TCF7L2: variants seen among roughly 807,000 people sequenced by gnomAD.
TCF7L2 encodes transcription factor 7 like 2, also known as transcription factor 7-like 2.
TCF7L2 carries 23 observed loss-of-function variants against 77.9 expected under a neutral mutation model. That is an observed-to-expected ratio of 0.30 (90% CI 0.21 to 0.42). TCF7L2 has a LOEUF of 0.42. Ranked by LOEUF, TCF7L2 falls within the 10% of genes least tolerant of loss-of-function variation. TCF7L2 has a pLI of 1.00. For synonymous variants in TCF7L2, 413 were observed against 340.2 expected, an observed-to-expected ratio of 1.21 and a Z score of -2.36; for missense variants, 654 against 793.1, an observed-to-expected ratio of 0.82 and a Z score of 2.11.
intron 5 of TCF7L2, among the ~76,000 whole-genome samples, chr10:113,097,667 AAAAAAAAC>A (rs1246335682): frequency 0.045 from 6,385 of 142,120 alleles, 367 homozygotes; most frequent in Non-Finnish European, 0.07. Context: ...AAAAAAAAAA[AAAAAAAAC>A]AACCATGAGA....
At chr10:112,991,656 A>G (rs1356195801) in intron 4 of TCF7L2, among the ~76,000 whole-genome samples, 1 of 152,138 alleles carries the variant, frequency 6.6e-6, no homozygotes, top group South Asian at 2.1e-4. Context: ...GGTCCCCACC[A>G]TCTAGTCAGG....
At chr10:113,136,690 G>A (rs528644523) in intron 5 of TCF7L2, among the ~76,000 whole-genome samples, 2 of 152,204 alleles carry the variant, frequency 1.3e-5, no homozygotes, top group Non-Finnish European at 2.9e-5. Flanking sequence ...GAGATAAAAG[G>A]GGGAGGGAAT....
At chr10:113,144,686 G>A (rs1220821340) in intron 7 of TCF7L2, among the ~76,000 whole-genome samples, 1 of 152,154 alleles carries the variant, frequency 6.6e-6, no homozygotes, top group African/African-American at 2.4e-5. Flanking sequence ...TGAACGGTGG[G>A]AATGGGGCAT....
At chr10:113,047,985 GGTTT>G (rs2053755040) in intron 5 of TCF7L2, among the ~76,000 whole-genome samples, 1 of 152,164 alleles carries the variant, frequency 6.6e-6, no homozygotes, top group Non-Finnish European at 1.5e-5. Context: ...TCCTAAAATA[GGTTT>G]AGGGAAGCAC....
intron 5 of TCF7L2, among the ~76,000 whole-genome samples, chr10:113,040,578 A>G (rs894913717): frequency 7.9e-5 from 12 of 152,366 alleles, no homozygotes; most frequent in African/African-American, 2.4e-4. Flanking sequence ...GCAACATTCT[A>G]CACTAACATT....
chr10:112,971,072 G>T (rs2038137303), intron 4 of TCF7L2, among the ~76,000 whole-genome samples: 1 of 152,192 alleles, frequency 6.6e-6, no homozygotes, highest in South Asian at 2.1e-4. Flanking sequence ...TACCTCAGAA[G>T]AATGTTCATT....
At chr10:113,072,123 C>A (rs2058097908) in intron 5 of TCF7L2, among the ~76,000 whole-genome samples, 2 of 152,164 alleles carry the variant, frequency 1.3e-5, no homozygotes, top group African/African-American at 2.4e-5. Flanking sequence ...GTGGCACGAT[C>A]TCGGCTCACT....
At chr10:113,103,659 G>A (rs866747680) in intron 5 of TCF7L2, among the ~76,000 whole-genome samples, 30 of 152,270 alleles carry the variant, frequency 2.0e-4, no homozygotes, top group African/African-American at 6.0e-4. Flanking sequence ...GTTACAATGC[G>A]TGAGATGGCT....
At chr10:113,126,153 A>G (rs1294609374) in intron 5 of TCF7L2, 2 of 151,470 alleles carry the variant, frequency 1.3e-5, no homozygotes, top group African/African-American at 4.9e-5. Flanking sequence ...TATACAGTAA[A>G]TTGTTCTGAA....
chr10:113,149,345 T>C (rs2070234861), intron 8 of TCF7L2, among the ~76,000 whole-genome samples: 1 of 152,202 alleles, frequency 6.6e-6, no homozygotes, highest in Non-Finnish European at 1.5e-5. Context: ...TCGAAGGACT[T>C]GTATTGTTGT....
chr10:113,067,766 A>C (rs1314820274), intron 5 of TCF7L2, among the ~76,000 whole-genome samples: 1 of 145,164 alleles, frequency 6.9e-6, no homozygotes, highest in African/African-American at 2.5e-5. Context: ...ATGGTTGAAC[A>C]TTTTTTTTTT....
intron 4 of TCF7L2, among the ~76,000 whole-genome samples, chr10:113,026,509 G>A (rs1163404677): frequency 1.3e-5 from 2 of 152,144 alleles, no homozygotes; most frequent in African/African-American, 4.8e-5. Flanking sequence ...CTGTCAGCCA[G>A]CTCCACAATG....
intron 5 of TCF7L2, among the ~76,000 whole-genome samples, chr10:113,103,450 T>C (rs545790714): frequency 2.6e-5 from 4 of 152,232 alleles, no homozygotes; most frequent in African/African-American, 4.8e-5. Context: ...CAGTAAAAAA[T>C]TGCTTGGATC....
At chr10:112,982,959 A>G (rs2040754238) in intron 4 of TCF7L2, among the ~76,000 whole-genome samples, 1 of 152,068 alleles carries the variant, frequency 6.6e-6, no homozygotes, top group South Asian at 2.1e-4. Flanking sequence ...AGGGTGAAAG[A>G]GTCCATGTTG....
chr10:113,136,988 G>A (rs2067512372), intron 5 of TCF7L2, among the ~76,000 whole-genome samples: 1 of 150,584 alleles, frequency 6.6e-6, no homozygotes, highest in South Asian at 2.1e-4. Flanking sequence ...CCCTTGCCCT[G>A]ATCTGGAAGG....
chr10:113,062,123 C>T (rs190774884), intron 5 of TCF7L2, among the ~76,000 whole-genome samples: 195 of 152,256 alleles, frequency 1.3e-3, no homozygotes, highest in African/African-American at 4.5e-3. Flanking sequence ...CAGCAGACAT[C>T]GTGTGACTGT....
intron 5 of TCF7L2, among the ~76,000 whole-genome samples, chr10:113,098,455 C>T (rs143845679): frequency 1.3e-5 from 2 of 151,872 alleles, no homozygotes; most frequent in African/African-American, 4.8e-5. Context: ...GCCTGTAATC[C>T]CAGCACTTTG....
chr10:113,089,405 C>A, intron 5 of TCF7L2: 2 of 1,613,354 alleles, frequency 1.2e-6, no homozygotes, highest in Non-Finnish European at 1.7e-6. Flanking sequence ...AGCAGAGCCC[C>A]CTCCCTTGCT....
At chr10:113,046,278 A>G (rs1277051040) in intron 5 of TCF7L2, among the ~76,000 whole-genome samples, 1 of 152,126 alleles carries the variant, frequency 6.6e-6, no homozygotes, top group African/African-American at 2.4e-5. Flanking sequence ...AATCACAACA[A>G]TTTGCAGGGC....
Sources: gnomAD v4.1 joint callset for allele counts (sites outside exome capture counted in the v4.1 genomes callset) on GRCh38, gnomAD v4.1.1 for gene constraint, MANE v1.5 for transcripts, NCBI Gene and HGNC (gene_info 2026-07-23, HGNC 2026-07-21) for gene names.